Variants in ATP6V0E1 observed in about 807,000 individuals in gnomAD.
The protein encoded by ATP6V0E1 is ATPase H+ transporting V0 subunit e1.
A neutral mutation model predicts 11.6 loss-of-function variants in ATP6V0E1; 4 were observed. That is an observed-to-expected ratio of 0.35 (90% confidence interval 0.17 to 0.79). The LOEUF (loss-of-function observed/expected upper bound fraction) is 0.79. Ranked by LOEUF, ATP6V0E1 falls within the 30% of genes least tolerant of loss-of-function variation. The pLI is 0.54. For synonymous variants in ATP6V0E1, 36 were observed against 34.8 expected, an observed-to-expected ratio of 1.04 and a Z score of -0.13; for missense variants, 105 against 100.0, an observed-to-expected ratio of 1.05 and a Z score of -0.21.
chr5:173,028,835 G>A (rs1422102872), intron 3 of ATP6V0E1, among the ~76,000 whole-genome samples: 1 of 152,196 alleles, frequency 6.6e-6, no homozygotes, highest in African/African-American at 2.4e-5. Context: ...ATGTATGTGG[G>A]ACTCTAATGT....
chr5:173,032,261 A>AT (rs1181297680), intron 3 of ATP6V0E1, among the ~76,000 whole-genome samples: 5,401 of 114,352 alleles, frequency 0.047, 168 homozygotes, highest in South Asian at 0.091. Flanking sequence ...TTATTTATTT[A>AT]TTTATTTATT....
chr5:173,023,605 G>C (rs1251832173), intron 3 of ATP6V0E1, among the ~76,000 whole-genome samples: 1 of 152,242 alleles, frequency 6.6e-6, no homozygotes, highest in African/African-American at 2.4e-5. Context: ...ACTACTTTGG[G>C]ATGCTGAGGC....
intron 3 of ATP6V0E1, among the ~76,000 whole-genome samples, chr5:173,024,816 T>TTTTTA (rs954699657): frequency 1.3e-5 from 2 of 151,240 alleles, no homozygotes; most frequent in African/African-American, 2.4e-5. Context: ...CATTACAGAG[T>TTTTTA]TTTTATTTTA....
rs1327889413 is a variant in ATP6V0E1 at position 173,020,266 on chromosome 5, A to C, written c.181A>C (p.Asn61His). ...GCTGATTGCAATTCTGGCCCAACTC[A>C]ACCCTCTCTTTGGACCGCAATTGAA... ...FWLIAILAQL[N>H]PLFGPQLKNE... The change falls in exon 3 of 4, where the codon AAC (asparagine) becomes CAC (histidine). Residue 61 changes from asparagine to histidine, a missense_variant. Asn to His is a moderately conservative substitution (Grantham distance 68). Transcript: ENST00000519374. 6.2e-7 allele frequency: 1 copy of C among 1,613,940 alleles called. No individual in the cohort carries two copies. Among genetic ancestry groups the C allele is most frequent in the South Asian group, 1.1e-5 (1 of 91,074 alleles).
At position 172,992,683 on chromosome 5, in the gene ATP6V0E1, TACTG is replaced by T. The variant is rs1241832005; in HGVS notation, c.105-2089_105-2086del. Reference sequence around the variant, plus strand: ...TGTCTTATTTTCCTCCATCAGCACTTACTGACCATCTGGCATATATAGGTAGATA... The same window carrying T: ...TGTCTTATTTTCCTCCATCAGCACTTACCATCTGGCATATATAGGTAGATA... On this transcript the variant is annotated intron_variant, in intron 1 of 3. Coordinates refer to ENST00000519374, the MANE Select transcript of ATP6V0E1 (RefSeq NM_003945.4). 1.1e-4 allele frequency among the ~76,000 whole-genome samples: 17 copies of T among 152,326 alleles called. No homozygotes were observed. The East Asian group carries it at 3.3e-3, about 29-fold the overall frequency.
At chr5:173,031,743 T>C (rs1756658387) in intron 3 of ATP6V0E1, among the ~76,000 whole-genome samples, 1 of 144,430 alleles carries the variant, frequency 6.9e-6, no homozygotes, top group Non-Finnish European at 1.5e-5. Context: ...AGCGTGAACC[T>C]GGGAGGCAGG....
At chr5:172,989,188 A>G (rs1293129613) in intron 1 of ATP6V0E1, among the ~76,000 whole-genome samples, 1 of 152,112 alleles carries the variant, frequency 6.6e-6, no homozygotes, top group Non-Finnish European at 1.5e-5. Context: ...AATTTTTTAA[A>G]AATTACCTAG....
intron 2 of ATP6V0E1, among the ~76,000 whole-genome samples, chr5:173,001,961 A>G (rs1241048110): frequency 1.3e-5 from 2 of 152,108 alleles, no homozygotes; most frequent in African/African-American, 2.4e-5. Flanking sequence ...CAGGTGATCC[A>G]CCTGCCTTGG....
At position 173,035,255 on chromosome 5, in the gene ATP6V0E1, A is replaced by G. The variant is rs567229669; in HGVS notation, c.*893A>G. The G allele has an allele frequency of 1.3e-5, 2 of 152,318 alleles. No homozygotes were observed. Among genetic ancestry groups the G allele is most frequent in the Non-Finnish European group, 2.9e-5 (2 of 68,024 alleles). 9.4% of individuals were successfully genotyped at this position (152,318 alleles called of 1,614,324 possible). A position where few individuals can be genotyped will look rare whatever the true frequency, so the allele number is the denominator to read the frequency against. ...TTCAAGGTTACCTGCCAGCTGCAGA[A>G]CAAGGCAGCAAATGCTCCTGAGATG... is the stretch of plus-strand genomic sequence containing the variant. On this transcript the variant is annotated 3_prime_UTR_variant, in exon 4 of 4. Transcript: ENST00000519374.
At chr5:172,985,648 A>G (rs1240402439) in intron 1 of ATP6V0E1, among the ~76,000 whole-genome samples, 1 of 152,194 alleles carries the variant, frequency 6.6e-6, no homozygotes, top group Admixed American at 6.5e-5. Flanking sequence ...AGCATTTATT[A>G]ATGTACTAAT....
intron 1 of ATP6V0E1, among the ~76,000 whole-genome samples, chr5:172,992,316 G>C: frequency 6.6e-6 from 1 of 152,198 alleles, no homozygotes; most frequent in East Asian, 1.9e-4. Context: ...CTCCCAAAGT[G>C]CCGGGATTGC....
chr5:173,021,861 C>T (rs1418668855), intron 3 of ATP6V0E1, among the ~76,000 whole-genome samples: 3 of 151,998 alleles, frequency 2.0e-5, no homozygotes, highest in Admixed American at 6.6e-5. Flanking sequence ...ACGGTGAAAC[C>T]CATCTCTACT....
intron 2 of ATP6V0E1, among the ~76,000 whole-genome samples, chr5:172,996,449 C>T (rs145835691): frequency 0.015 from 2,270 of 152,122 alleles, 36 homozygotes; most frequent in Admixed American, 0.035. Context: ...GTAGTCCCAG[C>T]TGCTCGGGAG....
intron 3 of ATP6V0E1, among the ~76,000 whole-genome samples, chr5:173,021,672 G>A (rs1019250935): frequency 6.6e-6 from 1 of 152,056 alleles, no homozygotes; most frequent in Non-Finnish European, 1.5e-5. Flanking sequence ...CTCCCACCAG[G>A]CCCCACCTCC....
chr5:172,994,811 CT>C lies in ATP6V0E1; in HGVS notation c.142del (p.Cys48AlafsTer6). On this transcript the variant is annotated frameshift_variant, in exon 2 of 4. Transcript: ENST00000519374. LOFTEE classifies it high-confidence loss of function. ...CCATGTTGGTGACCTGTTCAGTTTGCTGCTATCTCTTGTAAGTAATTTTTTC... is the reference window on the plus strand; with the variant it reads ...CCATGTTGGTGACCTGTTCAGTTTGCGCTATCTCTTGTAAGTAATTTTTTC... The part of the protein sequence containing the change: ...ITMLVTCSVC[C>X]YLFWLIAILA... 1 of 1,591,398 alleles carries C rather than the reference CT, an allele frequency of 6.3e-7. No individual in the cohort carries two copies. The highest frequency in any genetic ancestry group is 1.1e-5 in the South Asian group (1 of 87,664).
chr5:172,988,041 ATAAGTT>A (rs1424929822), intron 1 of ATP6V0E1, among the ~76,000 whole-genome samples: 3 of 152,092 alleles, frequency 2.0e-5, no homozygotes, highest in African/African-American at 7.2e-5. Flanking sequence ...ATCCTATCCT[ATAAGTT>A]TTTTTCCATT....
chr5:173,031,600 C>G (rs1275330373), intron 3 of ATP6V0E1, among the ~76,000 whole-genome samples: 1 of 151,266 alleles, frequency 6.6e-6, no homozygotes, highest in Non-Finnish European at 1.5e-5. Flanking sequence ...GCGCGGATCA[C>G]GAGGTCAGGA....
intron 1 of ATP6V0E1, among the ~76,000 whole-genome samples, chr5:172,993,709 A>C (rs1756021021): frequency 7.7e-6 from 1 of 130,254 alleles, no homozygotes; most frequent in Non-Finnish European, 1.6e-5. Context: ...CTCTCCAAAA[A>C]AAATTAAAAA....
intron 2 of ATP6V0E1, among the ~76,000 whole-genome samples, chr5:173,005,296 A>G (rs1756213251): frequency 1.3e-5 from 2 of 152,024 alleles, no homozygotes; most frequent in African/African-American, 4.8e-5. Flanking sequence ...GGATCTCTTC[A>G]TTTATTTAGG....
Sources: allele counts gnomAD v4.1 joint callset (sites outside exome capture counted in the v4.1 genomes callset), GRCh38; gene constraint gnomAD v4.1.1; transcripts MANE v1.5; gene names NCBI Gene and HGNC (gene_info 2026-07-23, HGNC 2026-07-21).